SLC9A9: variants seen among roughly 807,000 people sequenced by gnomAD.
The protein encoded by SLC9A9 is solute carrier family 9 member A9.
SLC9A9 carries 62 observed loss-of-function variants against 77.8 expected under a neutral mutation model. That is an observed-to-expected ratio of 0.80 (90% CI 0.65 to 0.98). SLC9A9 has a LOEUF of 0.98. Ranked by LOEUF, SLC9A9 falls within the 50% of genes least tolerant of loss-of-function variation. The probability of loss-of-function intolerance (pLI) is 0.00; values close to 1 mark genes in which losing one functional copy is unlikely to be tolerated. For missense variants in SLC9A9, 775 were observed against 774.9 expected, an observed-to-expected ratio of 1.00 and a Z score of 0.00; for synonymous variants, 320 against 283.5, an observed-to-expected ratio of 1.13 and a Z score of -1.29.
At chr3:143,666,146 C>G (rs2039063228) in intron 5 of SLC9A9, among the ~76,000 whole-genome samples, 2 of 152,174 alleles carry the variant, frequency 1.3e-5, no homozygotes, top group African/African-American at 4.8e-5. Flanking sequence ...ACGATCAAGT[C>G]AGCTTCATCC....
At chr3:143,353,817 A>AAATATAAT (rs1359690827) in intron 14 of SLC9A9, among the ~76,000 whole-genome samples, 58 of 152,266 alleles carry the variant, frequency 3.8e-4, no homozygotes, top group African/African-American at 1.2e-3. Context: ...TAATTGAATA[A>AAATATAAT]AATATAATAG....
At chr3:143,671,246 A>G (rs1458927608) in intron 5 of SLC9A9, among the ~76,000 whole-genome samples, 1 of 152,204 alleles carries the variant, frequency 6.6e-6, no homozygotes, top group East Asian at 1.9e-4. Context: ...GCTTCTACAT[A>G]TTGATTCAAG....
chr3:143,322,079 T>C (rs1189486909), intron 14 of SLC9A9, among the ~76,000 whole-genome samples: 1 of 152,244 alleles, frequency 6.6e-6, no homozygotes, highest in Non-Finnish European at 1.5e-5. Flanking sequence ...CCTGACCTTT[T>C]GGTTGCTCTC....
intron 4 of SLC9A9, among the ~76,000 whole-genome samples, chr3:143,711,870 A>G (rs7646533): frequency 0.15 from 22,528 of 152,250 alleles, 1,980 homozygotes; most frequent in African/African-American, 0.23. Flanking sequence ...TGTCTCTGAC[A>G]TAATACTAAC....
At chr3:143,391,453 G>A (rs193140250) in intron 12 of SLC9A9, among the ~76,000 whole-genome samples, 36 of 152,248 alleles carry the variant, frequency 2.4e-4, no homozygotes, top group Admixed American at 1.8e-3. Flanking sequence ...CCATCTGTAC[G>A]TCACCATCAT....
chr3:143,845,763 C>T (rs1559825254), intron 1 of SLC9A9, among the ~76,000 whole-genome samples: 1 of 152,164 alleles, frequency 6.6e-6, no homozygotes, highest in Non-Finnish European at 1.5e-5. Context: ...TTTCATTGAT[C>T]TATATAGTTC....
intron 8 of SLC9A9, among the ~76,000 whole-genome samples, chr3:143,564,911 A>T (rs1422688357): frequency 6.6e-6 from 1 of 152,166 alleles, no homozygotes; most frequent in Non-Finnish European, 1.5e-5. Flanking sequence ...TATGCAAATT[A>T]TCTTGAGGTC....
In SLC9A9 at chr3:143,286,413, T is replaced by C. The variant is rs558489702; in HGVS notation, c.1605-17433A>G. On this transcript the variant is annotated intron_variant, in intron 14 of 15. Transcript: ENST00000316549. ...AAGGCCAAGCCAAGCATTTCAGAGCTCCTTCTATTGGCTTTGCAGGGTCAC... is the reference window on the plus strand; with the variant it reads ...AAGGCCAAGCCAAGCATTTCAGAGCCCCTTCTATTGGCTTTGCAGGGTCAC... 4.6e-5 allele frequency among the ~76,000 whole-genome samples: 7 copies of C among 152,268 alleles called. No individual in the cohort carries two copies. The East Asian group carries it at 1.2e-3, about 25-fold the overall frequency.
intron 12 of SLC9A9, among the ~76,000 whole-genome samples, chr3:143,384,074 C>A (rs2108499957): frequency 6.6e-6 from 1 of 152,168 alleles, no homozygotes; most frequent in Non-Finnish European, 1.5e-5. Context: ...GGGGAGGAAC[C>A]TTTGATTCTT....
intron 9 of SLC9A9, among the ~76,000 whole-genome samples, chr3:143,522,421 C>T (rs1039095632): frequency 2.6e-5 from 4 of 152,080 alleles, no homozygotes; most frequent in Non-Finnish European, 5.9e-5. Context: ...CACAGAAATG[C>T]CCAAAATCTA....
At position 143,623,256 on chromosome 3, in the gene SLC9A9, A is replaced by G. The variant is rs1317129123; in HGVS notation, c.755+28999T>C. Among the ~76,000 whole-genome samples, 11 of 152,340 alleles carry G rather than the reference A, an allele frequency of 7.2e-5. No homozygotes were observed. The East Asian group carries it at 2.1e-3, about 29-fold the overall frequency. The stretch of plus-strand genomic sequence containing the variant: ...CAGGAATTGAACTCAGCTCTGCACC[A>G]AGAGGACCTAATAGACATCTACAGA... On this transcript the variant is annotated intron_variant, in intron 6 of 15. Transcript: ENST00000316549.
At chr3:143,504,080 C>T (rs1485343627) in intron 9 of SLC9A9, 14 of 501,902 alleles carry the variant, frequency 2.8e-5, no homozygotes, top group South Asian at 8.8e-5. Context: ...ACAAGCTTCC[C>T]GTTCTCAGCC....
chr3:143,500,652 C>G (rs2035908976), intron 9 of SLC9A9, among the ~76,000 whole-genome samples: 1 of 152,050 alleles, frequency 6.6e-6, no homozygotes, highest in African/African-American at 2.4e-5. Flanking sequence ...GCTAGCTCTT[C>G]TTGTATGTAT....
chr3:143,786,259 C>A (rs903756936), intron 4 of SLC9A9, among the ~76,000 whole-genome samples: 1 of 152,176 alleles, frequency 6.6e-6, no homozygotes, highest in Non-Finnish European at 1.5e-5. Flanking sequence ...ATAGAGTCCT[C>A]TTCAATTATT....
chr3:143,314,736 C>T (rs143024424), intron 14 of SLC9A9, among the ~76,000 whole-genome samples: 50 of 152,328 alleles, frequency 3.3e-4, no homozygotes, highest in African/African-American at 1.1e-3. Context: ...CTGCTTGTCA[C>T]GAATTTTAAC....
intron 14 of SLC9A9, among the ~76,000 whole-genome samples, chr3:143,318,451 A>T (rs535877839): frequency 6.8e-4 from 104 of 152,332 alleles, no homozygotes; most frequent in African/African-American, 2.3e-3. Context: ...CTCATGAGAA[A>T]AACAGAGGAG....
At chr3:143,580,729 A>G (rs185666092) in intron 6 of SLC9A9, among the ~76,000 whole-genome samples, 1 of 152,212 alleles carries the variant, frequency 6.6e-6, no homozygotes, top group African/African-American at 2.4e-5. Context: ...CTTCCTTCCC[A>G]CTCAACAGGG....
chr3:143,693,457 GTAC>G (rs1933539366), intron 4 of SLC9A9, 150 bp from the exon 5 acceptor site: 4 of 680,980 alleles, frequency 5.9e-6, no homozygotes, highest in Non-Finnish European at 1.1e-5. Flanking sequence ...CTAGGTCTCT[GTAC>G]ACTGGAATCT....
chr3:143,433,180 A>T (rs1359397861), intron 12 of SLC9A9, among the ~76,000 whole-genome samples: 1 of 152,212 alleles, frequency 6.6e-6, no homozygotes, highest in Non-Finnish European at 1.5e-5. Flanking sequence ...TCTTGATTTC[A>T]TGGAAGGGTG....
Sources: gnomAD v4.1 joint callset for allele counts (sites outside exome capture counted in the v4.1 genomes callset) on GRCh38, gnomAD v4.1.1 for gene constraint, MANE v1.5 for transcripts, NCBI Gene and HGNC (gene_info 2026-07-23, HGNC 2026-07-21) for gene names.